Variants in ZNF638 observed in about 807,000 individuals in gnomAD.
ZNF638 encodes zinc finger protein 638, also known as CTCL tumor antigen se33-1.
A neutral mutation model predicts 195.6 loss-of-function variants in ZNF638; 46 were observed. That is an observed-to-expected ratio of 0.24 (90% CI 0.19 to 0.30). The LOEUF (loss-of-function observed/expected upper bound fraction) is 0.30, where lower values mean the gene tolerates loss of function less well. Among genes scored for constraint, ZNF638 ranks in the 10% least tolerant of loss-of-function variants. The pLI is 1.00. For missense variants in ZNF638, 2,440 were observed against 2,325.3 expected (o/e 1.05, Z -1.01); for synonymous variants, 845 against 772.0 (o/e 1.09, Z -1.57).
intron 1 of ZNF638, among the ~76,000 whole-genome samples, chr2:71,342,218 CAAAAA>C (rs70959232): frequency 5.0e-5 from 5 of 99,290 alleles, no homozygotes; most frequent in African/African-American, 1.6e-4. Flanking sequence ...GACTCTGTCT[CAAAAA>C]AAAAAAAAAA....
At chr2:71,339,975 T>C (rs564244793) in intron 1 of ZNF638, among the ~76,000 whole-genome samples, 2 of 152,336 alleles carry the variant, frequency 1.3e-5, no homozygotes, top group East Asian at 3.9e-4. Flanking sequence ...TAAAAAGGTA[T>C]ATCTTACAAT....
intron 11 of ZNF638, among the ~76,000 whole-genome samples, chr2:71,396,957 A>G (rs1334567383): frequency 6.6e-6 from 1 of 152,130 alleles, no homozygotes; most frequent in Admixed American, 6.5e-5. Flanking sequence ...AAATAAATAA[A>G]CAAACAAATA....
At chr2:71,367,782 C>T (rs2079229800) in intron 6 of ZNF638, among the ~76,000 whole-genome samples, 2 of 150,336 alleles carry the variant, frequency 1.3e-5, no homozygotes. Context: ...TGTTGCCCAT[C>T]CTGGTCTTAA....
rs922485377 is a variant in ZNF638 at position 71,380,122 on chromosome 2, CAT to C, written c.2266-99_2266-98del. 103 of 559,396 alleles carry C rather than the reference CAT, an allele frequency of 1.8e-4. No individual in the cohort carries two copies. In the East Asian group the frequency reaches 2.6e-3, roughly 14 times the overall value. The allele number at this position is 559,396 out of a possible 1,614,324, so 34.7% of individuals were successfully genotyped here. ...TTTATAAATAGGAAAAGGTAATAAT[CAT>C]GTGTCCTTTAGAATAGGAAGATTTT... On this transcript the variant is annotated intron_variant, in intron 8 of 27. Coordinates refer to ENST00000264447, the MANE Select transcript of ZNF638 (RefSeq NM_014497.5).
chr2:71,355,391 A>G (rs568466941), intron 2 of ZNF638, among the ~76,000 whole-genome samples: 2 of 151,874 alleles, frequency 1.3e-5, no homozygotes, highest in East Asian at 3.9e-4. Flanking sequence ...TGTTGTTTTT[A>G]TATTTGCAGT....
intron 1 of ZNF638, among the ~76,000 whole-genome samples, chr2:71,347,779 A>G (rs2078875553): frequency 6.6e-6 from 1 of 152,250 alleles, no homozygotes; most frequent in African/African-American, 2.4e-5. Context: ...GTTTTAACTA[A>G]TAAAGTGCCT....
chr2:71,359,027 A>G (rs551341072), intron 3 of ZNF638, among the ~76,000 whole-genome samples: 107 of 152,338 alleles, frequency 7.0e-4, no homozygotes, highest in African/African-American at 2.3e-3. Flanking sequence ...GGCATAGTCT[A>G]AACATAACTT....
Position 71,395,124 on chromosome 2 carries a change from CAACA to C in ZNF638, c.2378-1012_2378-1009del, listed in dbSNP as rs1051829248. ...CCTAAACGCCATAGATCTACATGTC[CAACA>C]AACAGTTATATGGAAGGATGTGCAA... is the stretch of plus-strand genomic sequence containing the variant. On this transcript the variant is annotated intron_variant, in intron 10 of 27. Transcript: ENST00000264447. 5 of 647,884 alleles carry C rather than the reference CAACA, an allele frequency of 7.7e-6. No individual in the cohort carries two copies. In the African/African-American group the frequency reaches 9.1e-5, roughly 12 times the overall value. 40.1% of individuals were successfully genotyped at this position (647,884 alleles called of 1,614,324 possible).
intron 20 of ZNF638, among the ~76,000 whole-genome samples, chr2:71,410,204 G>A (rs1237771086): frequency 6.6e-6 from 1 of 152,066 alleles, no homozygotes; most frequent in African/African-American, 2.4e-5. Flanking sequence ...TTTTAAAGAC[G>A]AAGTCTTAAC....
chr2:71,433,476 C>T lies in ZNF638; in HGVS notation c.5871+193C>T, dbSNP rs556123032. ...GTCCTTATTCCTTTTCCTTGAACAG[C>T]AACATTTGCCAGAGTAGATTCTGCA... On this transcript the variant is annotated intron_variant, in intron 27 of 27. Transcript: ENST00000264447. 3 of 510,490 alleles carry T rather than the reference C, an allele frequency of 5.9e-6. No homozygotes were observed. The South Asian group carries it at 7.7e-5, about 13-fold the overall frequency. 31.6% of individuals were successfully genotyped at this position (510,490 alleles called of 1,614,324 possible). A position where few individuals can be genotyped will look rare whatever the true frequency, so the allele number is the denominator to read the frequency against.
chr2:71,433,378 G>A (rs2080705713), intron 27 of ZNF638, 95 bp downstream of exon 27: 1 of 906,480 alleles, frequency 1.1e-6, no homozygotes, highest in Non-Finnish European at 1.7e-6. Flanking sequence ...CCCCGCTTTA[G>A]GAGAATGTTT....
intron 16 of ZNF638, among the ~76,000 whole-genome samples, chr2:71,403,559 C>T (rs2080047765): frequency 6.6e-6 from 1 of 152,160 alleles, no homozygotes; most frequent in Non-Finnish European, 1.5e-5. Flanking sequence ...CCAGATACTG[C>T]TCTATGTACT....
chr2:71,400,699 A>G (rs1298822896), intron 15 of ZNF638, among the ~76,000 whole-genome samples, 181 bp downstream of exon 15: 7 of 152,106 alleles, frequency 4.6e-5, no homozygotes, highest in African/African-American at 1.7e-4. Context: ...TTTAGCTCAA[A>G]AACCCTGAGG....
At chr2:71,351,703 GACTCC>G (rs1388706223) in intron 2 of ZNF638, among the ~76,000 whole-genome samples, 3 of 152,148 alleles carry the variant, frequency 2.0e-5, no homozygotes, top group Non-Finnish European at 4.4e-5. Context: ...TTTTGTACTT[GACTCC>G]AATTAGGTAC....
intron 8 of ZNF638, among the ~76,000 whole-genome samples, chr2:71,373,471 G>A (rs57432271): frequency 8.9e-6 from 1 of 112,788 alleles, no homozygotes; most frequent in South Asian, 2.9e-4. Context: ...TTTTGGCGGA[G>A]CCTCTCTCTG....
At chr2:71,410,378 T>TTTTGTG (rs1553484357) in intron 20 of ZNF638, among the ~76,000 whole-genome samples, 1 of 151,184 alleles carries the variant, frequency 6.6e-6, no homozygotes, top group Non-Finnish European at 1.5e-5. Flanking sequence ...GATTTTTTTT[T>TTTTGTG]TGTGTGTGTG....
intron 26 of ZNF638, among the ~76,000 whole-genome samples, chr2:71,432,203 TA>T (rs1024869056): frequency 9.8e-5 from 15 of 152,304 alleles, no homozygotes; most frequent in African/African-American, 2.6e-4. Context: ...GGTTTATTTT[TA>T]TTATATTTTA....
chr2:71,356,388 T>C (rs1172284270), intron 3 of ZNF638, among the ~76,000 whole-genome samples: 1 of 152,210 alleles, frequency 6.6e-6, no homozygotes, highest in Non-Finnish European at 1.5e-5. Flanking sequence ...CAAATTAAAC[T>C]CTGTCTTCCC....
intron 6 of ZNF638, among the ~76,000 whole-genome samples, chr2:71,366,239 ACTTGGGAGGC>A (rs1187846927): frequency 1.3e-5 from 2 of 151,942 alleles, no homozygotes; most frequent in African/African-American, 4.8e-5. Flanking sequence ...AGTCCCAGCT[ACTTGGGAGGC>A]CTTGGGAGGC....
Sources: gnomAD v4.1 joint callset for allele counts (sites outside exome capture counted in the v4.1 genomes callset) on GRCh38, gnomAD v4.1.1 for gene constraint, MANE v1.5 for transcripts, NCBI Gene and HGNC (gene_info 2026-07-23, HGNC 2026-07-21) for gene names.